The following ST6GALNAC3 variants were observed in gnomAD, a reference collection of about 807,000 sequenced individuals.
The protein encoded by ST6GALNAC3 is alpha-N-acetylgalactosaminide alpha-2,6-sialyltransferase 3.
In ST6GALNAC3, 25 loss-of-function variants were observed where a neutral mutation model predicts 32.7. The ratio of observed to expected loss-of-function variants is 0.76; its 90% confidence interval spans 0.56 to 1.07. ST6GALNAC3 has a LOEUF of 1.07. Among genes scored for constraint, ST6GALNAC3 ranks in the 50% least tolerant of loss-of-function variants. ST6GALNAC3 has a pLI of 0.00. For synonymous variants in ST6GALNAC3, 129 were observed against 133.1 expected (o/e 0.97, Z 0.21); for missense variants, 355 against 382.4 (o/e 0.93, Z 0.60).
chr1:76,608,358 C>A (rs995833265), intron 3 of ST6GALNAC3, among the ~76,000 whole-genome samples: 2 of 152,000 alleles, frequency 1.3e-5, no homozygotes, highest in Non-Finnish European at 2.9e-5. Context: ...CAGAGATTAA[C>A]CAAATAAACA....
intron 3 of ST6GALNAC3, among the ~76,000 whole-genome samples, chr1:76,488,645 G>A (rs1660293838): frequency 6.6e-6 from 1 of 152,022 alleles, no homozygotes; most frequent in Non-Finnish European, 1.5e-5. Flanking sequence ...ATAATTTATG[G>A]GGCATACTGG....
Position 76,509,059 on chromosome 1 carries a change from T to C in ST6GALNAC3, c.623+96642T>C, listed in dbSNP as rs1661666784. Among the ~76,000 whole-genome samples, 1 of 152,200 alleles carries C rather than the reference T, an allele frequency of 6.6e-6. No homozygotes were observed. The highest frequency in any genetic ancestry group is 2.4e-5 in the African/African-American group (1 of 41,448). ...TAAGAGTTGAACAGCTTGTCATTTT[T>C]CAACTCGTCGATAAATGGGAATGGA... On this transcript the variant is annotated intron_variant, in intron 3 of 4. Coordinates refer to ENST00000328299, the MANE Select transcript of ST6GALNAC3 (RefSeq NM_152996.4). The surrounding 1 kb of genome is among the most constrained non-coding windows in gnomAD (Gnocchi z 5.5).
chr1:76,140,396 C>T (rs1371177910), intron 1 of ST6GALNAC3, among the ~76,000 whole-genome samples: 2 of 152,138 alleles, frequency 1.3e-5, no homozygotes, highest in Non-Finnish European at 2.9e-5. Flanking sequence ...TCCAAAGCTA[C>T]CTGGAGCCTG....
At position 76,283,210 on chromosome 1, in the gene ST6GALNAC3, A is replaced by G. The variant is rs781306677; in HGVS notation, c.19-30595A>G. Reference sequence around the variant, plus strand: ...TTGTTTTGTTTGTTTGTTTGTTTCTATATTATTATTTGTTGATGTTACAGA... The same window carrying G: ...TTGTTTTGTTTGTTTGTTTGTTTCTGTATTATTATTTGTTGATGTTACAGA... On this transcript the variant is annotated intron_variant, in intron 1 of 4. Coordinates refer to ENST00000328299, the MANE Select transcript of ST6GALNAC3 (RefSeq NM_152996.4). Among the ~76,000 whole-genome samples, 28 of 152,108 alleles carry G rather than the reference A, an allele frequency of 1.8e-4. 1 individual carries two copies. The highest frequency in any genetic ancestry group is 3.4e-3 in the Middle Eastern group (1 of 294).
intron 1 of ST6GALNAC3, among the ~76,000 whole-genome samples, chr1:76,183,907 G>A (rs1344132858): frequency 7.7e-6 from 1 of 129,792 alleles, no homozygotes; most frequent in Non-Finnish European, 1.6e-5. Flanking sequence ...ATTTGTTATT[G>A]AAACCTACTT....
chr1:76,486,990 A>G (rs1475262761), intron 3 of ST6GALNAC3, among the ~76,000 whole-genome samples: 1 of 152,138 alleles, frequency 6.6e-6, no homozygotes, highest in East Asian at 1.9e-4. Flanking sequence ...TGTGAAGCTT[A>G]GTTTGGCTGG....
chr1:76,116,021 A>T (rs1259325264), intron 1 of ST6GALNAC3, among the ~76,000 whole-genome samples: 2 of 152,172 alleles, frequency 1.3e-5, no homozygotes, highest in Non-Finnish European at 2.9e-5. Flanking sequence ...GTATGATAGG[A>T]AAGAAGGAAA....
chr1:76,126,773 T>G (rs948378363), intron 1 of ST6GALNAC3, among the ~76,000 whole-genome samples: 6 of 152,196 alleles, frequency 3.9e-5, no homozygotes, highest in African/African-American at 1.4e-4. Flanking sequence ...TGTTCAGAAC[T>G]AAAGGTGATT....
intron 3 of ST6GALNAC3, among the ~76,000 whole-genome samples, chr1:76,498,020 C>A (rs1417044011): frequency 1.3e-5 from 2 of 152,158 alleles, no homozygotes; most frequent in Non-Finnish European, 2.9e-5. Flanking sequence ...CTAGGTCACC[C>A]TATGGCTGAG....
chr1:76,456,442 G>A (rs976008158), intron 3 of ST6GALNAC3, among the ~76,000 whole-genome samples: 2 of 151,974 alleles, frequency 1.3e-5, no homozygotes, highest in African/African-American at 2.4e-5. Context: ...CGCCTCCTGG[G>A]TTCAAGCAAT....
At chr1:76,091,776 T>C (rs1232535564) in intron 1 of ST6GALNAC3, among the ~76,000 whole-genome samples, 2 of 152,230 alleles carry the variant, frequency 1.3e-5, no homozygotes, top group African/African-American at 4.8e-5. Context: ...GGCTATACCA[T>C]GTAGCCTAGG....
chr1:76,117,226 G>T (rs1186242738), intron 1 of ST6GALNAC3, among the ~76,000 whole-genome samples: 2 of 152,170 alleles, frequency 1.3e-5, no homozygotes, highest in Non-Finnish European at 2.9e-5. Context: ...GGGCCTTAAA[G>T]CTTCTTAATT....
intron 1 of ST6GALNAC3, among the ~76,000 whole-genome samples, chr1:76,218,814 G>T (rs1267797553): frequency 6.6e-6 from 1 of 152,128 alleles, no homozygotes; most frequent in African/African-American, 2.4e-5. Flanking sequence ...TTCACAAAAA[G>T]ATTGTTCTAT....
At chr1:76,294,114 A>G (rs780729060) in intron 1 of ST6GALNAC3, among the ~76,000 whole-genome samples, 15 of 152,272 alleles carry the variant, frequency 9.9e-5, no homozygotes, top group Middle Eastern at 3.4e-3. Flanking sequence ...CGGAATTGCT[A>G]ACTATTCTTC....
intron 3 of ST6GALNAC3, among the ~76,000 whole-genome samples, chr1:76,544,881 A>G (rs1664196545): frequency 6.6e-6 from 1 of 152,250 alleles, no homozygotes; most frequent in Non-Finnish European, 1.5e-5. Flanking sequence ...TCTTCAGAGC[A>G]TCTTTCCATG....
intron 3 of ST6GALNAC3, among the ~76,000 whole-genome samples, chr1:76,438,020 A>C (rs890074305): frequency 1.3e-5 from 2 of 152,148 alleles, no homozygotes; most frequent in Non-Finnish European, 2.9e-5. Flanking sequence ...TATTTTGAAA[A>C]TTAACGTCAA....
intron 3 of ST6GALNAC3, among the ~76,000 whole-genome samples, chr1:76,494,460 TATATATATAC>T (rs1209348441): frequency 2.3e-5 from 2 of 87,674 alleles, no homozygotes; most frequent in African/African-American, 4.6e-5. Context: ...TATATATATA[TATATATATAC>T]ACACACACAC....
In ST6GALNAC3 at chr1:76,249,751, A is replaced by G. The variant is rs1329189775; in HGVS notation, c.19-64054A>G. On this transcript the variant is annotated intron_variant, in intron 1 of 4. Coordinates refer to ENST00000328299, the MANE Select transcript of ST6GALNAC3 (RefSeq NM_152996.4). Reference sequence around the variant, plus strand: ...AATGTATGAGGGAAACAATTTCTCGACAGCCTTGTCAACACTTACTATTGT... The same window carrying G: ...AATGTATGAGGGAAACAATTTCTCGGCAGCCTTGTCAACACTTACTATTGT... 2.6e-5 allele frequency among the ~76,000 whole-genome samples: 4 copies of G among 152,338 alleles called. No homozygotes were observed. In the East Asian group the frequency reaches 5.8e-4, roughly 22 times the overall value.
intron 1 of ST6GALNAC3, among the ~76,000 whole-genome samples, chr1:76,172,782 A>T (rs1391489406): frequency 2.0e-5 from 3 of 152,166 alleles, no homozygotes; most frequent in Non-Finnish European, 4.4e-5. Context: ...CTAACAAGGG[A>T]TGTGAAGACC....
Sources: allele counts gnomAD v4.1 joint callset (sites outside exome capture counted in the v4.1 genomes callset), GRCh38; gene constraint gnomAD v4.1.1; non-coding constraint Gnocchi (gnomAD v3.1); transcripts MANE v1.5; gene names NCBI Gene and HGNC (gene_info 2026-07-23, HGNC 2026-07-21).